MGAT5: variants seen among roughly 807,000 people sequenced by gnomAD.
MGAT5 encodes alpha-1,6-mannosylglycoprotein 6-beta-N-acetylglucosaminyltransferase.
Under a neutral mutation model 94.3 loss-of-function variants are expected in MGAT5, and 30 were observed. The observed-to-expected ratio is 0.32, with a 90% confidence interval of 0.24 to 0.43. The LOEUF (loss-of-function observed/expected upper bound fraction) is 0.43. Among genes scored for constraint, MGAT5 ranks in the 20% least tolerant of loss-of-function variants. The pLI is 1.00. For synonymous variants in MGAT5, 310 were observed against 322.9 expected (o/e 0.96, Z 0.43); for missense variants, 691 against 905.5 (o/e 0.76, Z 3.04).
chr2:134,448,853 A>T lies in MGAT5; in HGVS notation c.*6A>T. On this transcript the variant is annotated 3_prime_UTR_variant, in exon 16 of 16. Coordinates refer to ENST00000281923, the MANE Select transcript of MGAT5 (RefSeq NM_002410.5). Reference sequence around the variant, plus strand: ...TCTGCAAAGACTGCCTATAGCAGCTACCTGCTCAGCCCTGCACCATGCTGC... The same window carrying T: ...TCTGCAAAGACTGCCTATAGCAGCTTCCTGCTCAGCCCTGCACCATGCTGC... 6 of 1,611,644 alleles carry T rather than the reference A, an allele frequency of 3.7e-6. No individual in the cohort carries two copies. Among genetic ancestry groups the T allele is most frequent in the Non-Finnish European group, 5.1e-6 (6 of 1,179,410 alleles).
intron 9 of MGAT5, among the ~76,000 whole-genome samples, chr2:134,358,054 T>A (rs1679858911): frequency 6.6e-6 from 1 of 152,184 alleles, no homozygotes; most frequent in African/African-American, 2.4e-5. Flanking sequence ...TCTTCTTCAG[T>A]ATTTTAAATG....
At chr2:134,397,904 G>A (rs1047082935) in intron 10 of MGAT5, among the ~76,000 whole-genome samples, 12 of 152,158 alleles carry the variant, frequency 7.9e-5, no homozygotes, top group Admixed American at 2.0e-4. Context: ...TAGGAGTTAC[G>A]TTACAGTAAC....
In MGAT5 at chr2:134,143,785, T is replaced by A. The variant is rs557399953; in HGVS notation, c.-143+23494T>A. ...ACAATGTTTATGTGGTTACTGTGTATTCATTTAATCTTTCTGGTACTATTG... is the reference window on the plus strand; with the variant it reads ...ACAATGTTTATGTGGTTACTGTGTAATCATTTAATCTTTCTGGTACTATTG... On this transcript the variant is annotated intron_variant, in intron 1 of 16. Coordinates refer to the MGAT5 transcript ENST00000409645. Among the ~76,000 whole-genome samples the A allele has an allele frequency of 3.9e-5, 6 of 152,358 alleles. No individual in the cohort carries two copies. The East Asian group carries it at 1.2e-3, about 29-fold the overall frequency.
At chr2:134,402,901 C>G in intron 10 of MGAT5, 87 bp from the exon 11 acceptor site, 1 of 1,332,372 alleles carries the variant, frequency 7.5e-7, no homozygotes, top group Non-Finnish European at 1.0e-6. Flanking sequence ...TCTGTGGCCT[C>G]TAGTCTTAGA....
At chr2:134,286,310 C>A (rs75908126) in intron 2 of MGAT5, among the ~76,000 whole-genome samples, 2,663 of 152,324 alleles carry the variant, frequency 0.017, 90 homozygotes, top group African/African-American at 0.061. Flanking sequence ...AGCCCCTTTT[C>A]CCCTTTGGTG....
intron 1 of MGAT5, among the ~76,000 whole-genome samples, chr2:134,198,082 C>G (rs759491098): frequency 6.6e-6 from 1 of 152,222 alleles, no homozygotes; most frequent in Non-Finnish European, 1.5e-5. Context: ...GCCTTGTCAT[C>G]TGTACCAGAA....
At chr2:134,155,347 G>T (rs1020272535) in intron 1 of MGAT5, among the ~76,000 whole-genome samples, 1 of 152,208 alleles carries the variant, frequency 6.6e-6, no homozygotes, top group Non-Finnish European at 1.5e-5. Flanking sequence ...AGGTCCATCT[G>T]CTTCTCCATT....
chr2:134,363,820 C>A (rs774118999), intron 10 of MGAT5, among the ~76,000 whole-genome samples: 1 of 152,180 alleles, frequency 6.6e-6, no homozygotes, highest in Non-Finnish European at 1.5e-5. Context: ...GTGTTGCTTT[C>A]CTTGTATAAA....
intron 9 of MGAT5, among the ~76,000 whole-genome samples, chr2:134,360,873 A>C (rs1008795323): frequency 7.2e-6 from 1 of 139,776 alleles, no homozygotes; most frequent in Non-Finnish European, 1.6e-5. Context: ...ACTGAACACA[A>C]CTCCCCAGCC....
chr2:134,120,331 C>T, intron 1 of MGAT5: 1 of 389,632 alleles, frequency 2.6e-6, no homozygotes, highest in Middle Eastern at 6.5e-4. Flanking sequence ...TCGGAGGGAG[C>T]TCGTCATCCC....
intron 1 of MGAT5, among the ~76,000 whole-genome samples, chr2:134,219,759 G>A (rs1307840204): frequency 5.3e-5 from 8 of 152,186 alleles, no homozygotes; most frequent in Non-Finnish European, 8.8e-5. Context: ...CAAAAACACA[G>A]TAAAGTGGGA....
At chr2:134,431,218 G>T (rs1684857626) in intron 14 of MGAT5, among the ~76,000 whole-genome samples, 1 of 152,176 alleles carries the variant, frequency 6.6e-6, no homozygotes, top group Admixed American at 6.5e-5. Flanking sequence ...ATTCCAGTTT[G>T]ATTCTGGGAT....
intron 11 of MGAT5, among the ~76,000 whole-genome samples, chr2:134,412,419 C>T (rs905257997): frequency 1.3e-5 from 2 of 152,120 alleles, no homozygotes; most frequent in Non-Finnish European, 2.9e-5. Flanking sequence ...TCTGTCCCTC[C>T]GCCCAGCATT....
rs957234512 is a variant in MGAT5, at chr2:134,454,120, C to G, written c.*5273C>G. 1.3e-5 allele frequency: 2 copies of G among 152,230 alleles called. No homozygotes were observed. Among genetic ancestry groups the G allele is most frequent in the African/African-American group, 4.8e-5 (2 of 41,424 alleles). The allele number at this position is 152,230 out of a possible 1,614,324, so 9.4% of individuals were successfully genotyped here. A position where few individuals can be genotyped will look rare whatever the true frequency, so the allele number is the denominator to read the frequency against. On this transcript the variant is annotated 3_prime_UTR_variant, in exon 16 of 16. Transcript: ENST00000281923. ...CACTCCCTCAATGCCACCCTGACCC[C>G]ACGGCTGGAGAACCCTGTGCTTATG...
intron 1 of MGAT5, among the ~76,000 whole-genome samples, chr2:134,229,156 C>T (rs1162932029): frequency 6.6e-6 from 1 of 152,146 alleles, no homozygotes; most frequent in Non-Finnish European, 1.5e-5. Context: ...AAAAAAATAT[C>T]AGGAAAAATT....
upstream of MGAT5, among the ~76,000 whole-genome samples, chr2:134,252,787 A>G (rs988984198): frequency 2.6e-5 from 4 of 152,174 alleles, no homozygotes; most frequent in African/African-American, 9.7e-5. Context: ...TATATATATC[A>G]TTCTCTGCCA....
At chr2:134,169,875 A>G (rs1688125534) in intron 1 of MGAT5, among the ~76,000 whole-genome samples, 1 of 152,218 alleles carries the variant, frequency 6.6e-6, no homozygotes. Context: ...CTCAGGAGGT[A>G]GCTTGTCTGA....
At position 134,254,522 on chromosome 2, in the gene MGAT5, C is replaced by T. The variant is rs774995015; in HGVS notation, c.119C>T (p.Pro40Leu). 1.9e-6 allele frequency: 3 copies of T among 1,614,220 alleles called. No individual in the cohort carries two copies. Among genetic ancestry groups the T allele is most frequent in the Non-Finnish European group, 2.5e-6 (3 of 1,180,036 alleles). The change falls in exon 1 of 16, where the codon CCT becomes CTT. Residue 40 changes from proline (P) to leucine (L), a missense_variant. Coordinates refer to ENST00000281923, the MANE Select transcript of MGAT5 (RefSeq NM_002410.5). ...TTTACCATCCAGCAGCGAACTCAGCCTGAAAGCAGCTCCATGCTGCGCGAG... is the reference window on the plus strand; with the variant it reads ...TTTACCATCCAGCAGCGAACTCAGCTTGAAAGCAGCTCCATGCTGCGCGAG... ...LHFTIQQRTQ[P>L]ESSSMLREQI...
intron 1 of MGAT5, among the ~76,000 whole-genome samples, chr2:134,122,953 G>A (rs1361915653): frequency 6.6e-6 from 1 of 152,216 alleles, no homozygotes; most frequent in Non-Finnish European, 1.5e-5. Context: ...CATTTCAAGT[G>A]CTTTGTGTTT....
Sources: allele counts gnomAD v4.1 joint callset (sites outside exome capture counted in the v4.1 genomes callset), GRCh38; gene constraint gnomAD v4.1.1; transcripts MANE v1.5; gene names NCBI Gene and HGNC (gene_info 2026-07-23, HGNC 2026-07-21).